RPS6KA5: variants seen among roughly 807,000 people sequenced by gnomAD.
RPS6KA5 encodes the protein ribosomal protein S6 kinase A5.
A neutral mutation model predicts 85.5 loss-of-function variants in RPS6KA5; 27 were observed. The ratio of observed to expected loss-of-function variants is 0.32; its 90% CI spans 0.23 to 0.44. RPS6KA5 has a LOEUF of 0.44. Ranked by LOEUF, RPS6KA5 falls within the 20% of genes least tolerant of loss-of-function variation. The pLI is 1.00. For synonymous variants in RPS6KA5, 334 were observed against 348.2 expected, an observed-to-expected ratio of 0.96 and a Z score of 0.46; for missense variants, 811 against 980.9, an observed-to-expected ratio of 0.83 and a Z score of 2.31.
intron 1 of RPS6KA5, among the ~76,000 whole-genome samples, chr14:91,009,716 A>G (rs1595463563): frequency 6.6e-6 from 1 of 152,226 alleles, no homozygotes; most frequent in Non-Finnish European, 1.5e-5. Flanking sequence ...AAAAACCCCA[A>G]AAGAGCTTTC....
At chr14:90,979,324 CA>C (rs1297504641) in intron 2 of RPS6KA5, among the ~76,000 whole-genome samples, 1 of 152,036 alleles carries the variant, frequency 6.6e-6, no homozygotes, top group Non-Finnish European at 1.5e-5. Flanking sequence ...GAAGGGAAGA[CA>C]AAAAAACAAA....
chr14:90,906,307 C>G lies in RPS6KA5; in HGVS notation c.807-8G>C. On this transcript the variant is annotated splice_region_variant and splice_polypyrimidine_tract_variant and intron_variant, in intron 7 of 16. Coordinates refer to ENST00000614987, the MANE Select transcript of RPS6KA5 (RefSeq NM_004755.4). Reference sequence around the variant, plus strand: ...TCACTTTTTAATATTCTCCTGTAGGCAGACAAAACTTGCTGTTAAAACAAA... The same window carrying G: ...TCACTTTTTAATATTCTCCTGTAGGGAGACAAAACTTGCTGTTAAAACAAA... 1 of 1,544,542 alleles carries G rather than the reference C, an allele frequency of 6.5e-7. No homozygotes were observed. The highest frequency in any genetic ancestry group is 8.8e-7 in the Non-Finnish European group (1 of 1,139,328).
At chr14:91,025,613 A>G (rs1005796919) in intron 1 of RPS6KA5, among the ~76,000 whole-genome samples, 2 of 152,092 alleles carry the variant, frequency 1.3e-5, no homozygotes, top group Non-Finnish European at 2.9e-5. Flanking sequence ...CTCCAGACCT[A>G]CAATATCTGT....
chr14:90,861,845 C>G lies in RPS6KA5; in HGVS notation c.*10229G>C, dbSNP rs2032569848. On this transcript the variant is annotated 3_prime_UTR_variant, in exon 17 of 17. Coordinates refer to ENST00000614987, the MANE Select transcript of RPS6KA5 (RefSeq NM_004755.4). ...CCAGGGAATCAGAGGTTGCAGTGAG[C>G]CAAGATCGTGCCACTGCACTGCAGC... The G allele has an allele frequency of 6.8e-6, 1 of 146,986 alleles. No individual in the cohort carries two copies. The highest frequency in any genetic ancestry group is 1.5e-5 in the Non-Finnish European group (1 of 67,706). 9.1% of individuals were successfully genotyped at this position (146,986 alleles called of 1,614,324 possible). A position where few individuals can be genotyped will look rare whatever the true frequency, so the allele number is the denominator to read the frequency against.
chr14:90,973,378 G>A (rs955489777), intron 3 of RPS6KA5, among the ~76,000 whole-genome samples: 1 of 150,870 alleles, frequency 6.6e-6, no homozygotes, highest in African/African-American at 2.4e-5. Context: ...AGGAGGCAGA[G>A]GTTGCAGTGA....
At chr14:90,974,541 GTT>G (rs1334020332) in intron 3 of RPS6KA5, among the ~76,000 whole-genome samples, 1 of 152,210 alleles carries the variant, frequency 6.6e-6, no homozygotes, top group Non-Finnish European at 1.5e-5. Context: ...AGCTATGTGA[GTT>G]CCAGTGTCCA....
At chr14:90,910,315 T>C (rs2035735746) in intron 7 of RPS6KA5, among the ~76,000 whole-genome samples, 1 of 152,174 alleles carries the variant, frequency 6.6e-6, no homozygotes, top group South Asian at 2.1e-4. Flanking sequence ...ATGAATTAAG[T>C]TTCTGGAAAC....
intron 1 of RPS6KA5, among the ~76,000 whole-genome samples, chr14:91,001,933 A>G (rs564653021): frequency 2.0e-5 from 3 of 152,250 alleles, no homozygotes; most frequent in Admixed American, 6.5e-5. Flanking sequence ...ACAAAGTTAA[A>G]CGATTTCTTT....
At chr14:91,008,752 G>A (rs959896863) in intron 1 of RPS6KA5, among the ~76,000 whole-genome samples, 1 of 152,134 alleles carries the variant, frequency 6.6e-6, no homozygotes, top group Admixed American at 6.5e-5. Context: ...CTCAAAACCT[G>A]GAATGCCAGA....
chr14:90,948,310 C>T (rs1221168950), intron 3 of RPS6KA5, among the ~76,000 whole-genome samples: 1 of 152,144 alleles, frequency 6.6e-6, no homozygotes, highest in Admixed American at 6.5e-5. Context: ...TAGGTAACAA[C>T]TATACAAATT....
rs1372612151 is a variant in RPS6KA5 at position 90,847,888 on chromosome 14, T to G, written c.*24186A>C. The G allele has an allele frequency of 6.6e-6, 1 of 152,240 alleles. No homozygotes were observed. Among genetic ancestry groups the G allele is most frequent in the Non-Finnish European group, 1.5e-5 (1 of 68,044 alleles). The allele number at this position is 152,240 out of a possible 1,614,324, so 9.4% of individuals were successfully genotyped here. ...AGGCATTTGTACATTGACAGGTTTA[T>G]TCTTAAAGCTTGAACAAATACATCT... On this transcript the variant is annotated 3_prime_UTR_variant, in exon 17 of 17. Transcript: ENST00000614987.
chr14:90,878,679 G>C (rs1384383620), intron 14 of RPS6KA5, among the ~76,000 whole-genome samples: 1 of 152,300 alleles, frequency 6.6e-6, no homozygotes, highest in East Asian at 1.9e-4. Flanking sequence ...GGGCTCCAGT[G>C]GTCAGGGACA....
chr14:90,876,848 C>T (rs150118258), intron 14 of RPS6KA5, among the ~76,000 whole-genome samples: 2 of 152,292 alleles, frequency 1.3e-5, no homozygotes, highest in East Asian at 1.9e-4. Flanking sequence ...CAGGATGTTC[C>T]GGTGATCTAG....
chr14:90,863,014 A>T lies in RPS6KA5; in HGVS notation c.*9060T>A, dbSNP rs1220381526. Reference sequence around the variant, plus strand: ...TATCTATAAAAAAATTAAATAAAACATAATATTGGGCTGGGTGAGGTGGCT... The same window carrying T: ...TATCTATAAAAAAATTAAATAAAACTTAATATTGGGCTGGGTGAGGTGGCT... On this transcript the variant is annotated 3_prime_UTR_variant, in exon 17 of 17. Coordinates refer to ENST00000614987, the MANE Select transcript of RPS6KA5 (RefSeq NM_004755.4). 1.3e-5 allele frequency: 2 copies of T among 152,120 alleles called. No individual in the cohort carries two copies. The highest frequency in any genetic ancestry group is 2.9e-5 in the Non-Finnish European group (2 of 68,012). The allele number at this position is 152,120 out of a possible 1,614,324, so 9.4% of individuals were successfully genotyped here. A position where few individuals can be genotyped will look rare whatever the true frequency, so the allele number is the denominator to read the frequency against.
chr14:91,021,315 A>G (rs1266032041), intron 1 of RPS6KA5, among the ~76,000 whole-genome samples: 1 of 151,930 alleles, frequency 6.6e-6, no homozygotes, highest in Non-Finnish European at 1.5e-5. Context: ...CTATTAGGCT[A>G]CTCATGAATC....
At chr14:91,032,378 T>C (rs1040285336) in intron 1 of RPS6KA5, among the ~76,000 whole-genome samples, 1 of 152,238 alleles carries the variant, frequency 6.6e-6, no homozygotes, top group Admixed American at 6.5e-5. Context: ...AAAATCCTTT[T>C]TAGTTAAGCC....
intron 1 of RPS6KA5, among the ~76,000 whole-genome samples, chr14:91,005,811 T>A (rs1293658675): frequency 6.6e-6 from 1 of 152,246 alleles, no homozygotes; most frequent in South Asian, 2.1e-4. Context: ...ACAAGACTTA[T>A]AATATTTACA....
chr14:91,050,823 A>G (rs1426062829), intron 1 of RPS6KA5, among the ~76,000 whole-genome samples: 1 of 152,238 alleles, frequency 6.6e-6, no homozygotes. Flanking sequence ...CTTAAAAGCT[A>G]ATTACAAATC....
chr14:91,044,764 G>A lies in RPS6KA5; in HGVS notation c.103+15568C>T, dbSNP rs190031172. On this transcript the variant is annotated intron_variant, in intron 1 of 16. Coordinates refer to ENST00000614987, the MANE Select transcript of RPS6KA5 (RefSeq NM_004755.4). ...CAGGCACCTGTAATCCCAGCTACTC[G>A]GGAAGCTGAGGCAGGAGAATCGCTT... 2.5e-3 allele frequency among the ~76,000 whole-genome samples: 375 copies of A among 151,812 alleles called. 2 individuals carry two copies. Among genetic ancestry groups the A allele is most frequent in the Middle Eastern group, 0.014 (4 of 294 alleles).
Sources: allele counts gnomAD v4.1 joint callset (sites outside exome capture counted in the v4.1 genomes callset), GRCh38; gene constraint gnomAD v4.1.1; transcripts MANE v1.5; gene names NCBI Gene and HGNC (gene_info 2026-07-23, HGNC 2026-07-21).